The following RBFOX1 variants were observed in gnomAD, a reference collection of about 807,000 sequenced individuals.
The protein encoded by RBFOX1 is RNA binding fox-1 homolog 1, also known as RNA binding protein fox-1 homolog 1.
In RBFOX1, 8 loss-of-function variants were observed where a neutral mutation model predicts 57.7. That is an observed-to-expected ratio of 0.14 (90% CI 0.08 to 0.25). The LOEUF is 0.25. Among genes scored for constraint, RBFOX1 ranks in the 10% least tolerant of loss-of-function variants. RBFOX1 has a pLI of 1.00. For synonymous variants in RBFOX1, 326 were observed against 222.4 expected, an observed-to-expected ratio of 1.47 and a Z score of -4.15; for missense variants, 611 against 548.5, an observed-to-expected ratio of 1.11 and a Z score of -1.14.
chr16:5,848,240 C>A (rs567176558), intron 3 of RBFOX1, among the ~76,000 whole-genome samples: 1 of 152,126 alleles, frequency 6.6e-6, no homozygotes, highest in Admixed American at 6.5e-5. Context: ...CCCACCACCA[C>A]TGGACCATTT....
chr16:7,170,033 C>G (rs2080371158), intron 4 of RBFOX1, among the ~76,000 whole-genome samples: 1 of 152,058 alleles, frequency 6.6e-6, no homozygotes, highest in Admixed American at 6.5e-5. Flanking sequence ...AAGATTGTGC[C>G]AATGCACTCT....
chr16:6,806,837 T>TATATATATATATATATA lies in RBFOX1; in HGVS notation c.-16+152187_-16+152188insATATATATATATATATA, dbSNP rs1491107829. Among the ~76,000 whole-genome samples, 620 of 68,052 alleles carry TATATATATATATATATA rather than the reference T, an allele frequency of 9.1e-3. 1 individual carries two copies. Among genetic ancestry groups the TATATATATATATATATA allele is most frequent in the Non-Finnish European group, 0.014 (490 of 34,094 alleles). 44.6% of individuals were successfully genotyped at this position (68,052 alleles called of 152,430 possible). A position where few individuals can be genotyped will look rare whatever the true frequency, so the allele number is the denominator to read the frequency against. ...ATATAAATATATATATATATATATA[T>TATATATATATATATATA]TTTTTTTTTTTTTTGAGAGAAAGTC... On this transcript the variant is annotated intron_variant, in intron 3 of 15. Coordinates refer to ENST00000550418, the MANE Select transcript of RBFOX1 (RefSeq NM_018723.4).
chr16:5,891,279 C>T (rs533707184), intron 4 of RBFOX1, among the ~76,000 whole-genome samples: 32 of 152,268 alleles, frequency 2.1e-4, no homozygotes, highest in Admixed American at 1.1e-3. Flanking sequence ...GAGGAGCTGT[C>T]GGATGGCTGG....
At chr16:6,856,346 C>G (rs1015209405) in intron 3 of RBFOX1, among the ~76,000 whole-genome samples, 4 of 152,124 alleles carry the variant, frequency 2.6e-5, no homozygotes, top group East Asian at 1.9e-4. Context: ...CGTCTGAATT[C>G]TGAGTAACTA....
chr16:7,342,632 G>A (rs1248413024), intron 4 of RBFOX1, among the ~76,000 whole-genome samples: 1 of 152,180 alleles, frequency 6.6e-6, no homozygotes, highest in African/African-American at 2.4e-5. Context: ...TTCCTGGTGA[G>A]CAAGGACACA....
At chr16:6,315,513 G>A (rs563655201) in intron 1 of RBFOX1, among the ~76,000 whole-genome samples, 11 of 149,604 alleles carry the variant, frequency 7.4e-5, no homozygotes, top group African/African-American at 2.7e-4. Context: ...GGATGGATGG[G>A]TGGATGGGTG....
intron 4 of RBFOX1, among the ~76,000 whole-genome samples, chr16:7,457,493 C>T (rs549335667): frequency 2.0e-5 from 3 of 152,306 alleles, no homozygotes; most frequent in East Asian, 1.9e-4. Context: ...TTGCATTCTT[C>T]TATCTTCTTT....
At chr16:6,727,892 C>T (rs148352845) in intron 3 of RBFOX1, among the ~76,000 whole-genome samples, 13 of 152,246 alleles carry the variant, frequency 8.5e-5, no homozygotes, top group South Asian at 2.1e-4. Context: ...TACCTGATTC[C>T]ATTTTGAAAT....
chr16:6,591,687 T>C (rs180976337), intron 2 of RBFOX1, among the ~76,000 whole-genome samples: 4 of 152,330 alleles, frequency 2.6e-5, no homozygotes, highest in Admixed American at 2.6e-4. Flanking sequence ...TATCTTCTGC[T>C]TTTTCTACAG....
Position 6,897,188 on chromosome 16 carries a change from G to C in RBFOX1, c.-15-154869G>C, listed in dbSNP as rs1032177146. 2.0e-5 allele frequency among the ~76,000 whole-genome samples: 3 copies of C among 152,172 alleles called. No homozygotes were observed. The East Asian group carries it at 5.8e-4, about 29-fold the overall frequency. On this transcript the variant is annotated intron_variant, in intron 3 of 15. Coordinates refer to ENST00000550418, the MANE Select transcript of RBFOX1 (RefSeq NM_018723.4). ...GCTGTAGAGTAGAGATTTAAACACA[G>C]GTTGTTTTCCAGAACCCTACTTCAT...
At position 5,822,537 on chromosome 16, in the gene RBFOX1, T is replaced by C. The variant is rs370953170; in HGVS notation, c.319-44766T>C. ...AGTTCTGGAGATCTACTCTATAGCA[T>C]AGATCCTATAGCTACAAATAGTATA... On this transcript the variant is annotated intron_variant, in intron 3 of 19. Transcript: ENST00000641259. 3.3e-5 allele frequency among the ~76,000 whole-genome samples: 5 copies of C among 152,256 alleles called. No homozygotes were observed. In the East Asian group the frequency reaches 7.7e-4, roughly 23 times the overall value.
chr16:7,705,634 CTATT>C (rs2082189618), intron 14 of RBFOX1, among the ~76,000 whole-genome samples: 1 of 152,154 alleles, frequency 6.6e-6, no homozygotes, highest in Non-Finnish European at 1.5e-5. Context: ...CAATGGAAAA[CTATT>C]GAAGGGTTTT....
In RBFOX1 at chr16:5,420,931, CCCTCCCCT is replaced by C. The variant is rs1461527343; in HGVS notation, c.220-46284_220-46277del. Among the ~76,000 whole-genome samples the C allele has an allele frequency of 4.5e-3, 597 of 132,206 alleles. 10 individuals carry two copies. The highest frequency in any genetic ancestry group is 0.016 in the African/African-American group (569 of 34,850). The allele number at this position is 132,206 out of a possible 152,430, so 86.7% of individuals were successfully genotyped here. ...TGCCTCCCTCCACCCCTCCTCCTCC[CCCTCCCCT>C]TCCTCCTGCTTTTCCTCCTCCTCCT... On this transcript the variant is annotated intron_variant, in intron 1 of 2. Coordinates refer to the RBFOX1 transcript ENST00000585867.
At chr16:7,670,678 A>G (rs1251353676) in intron 13 of RBFOX1, among the ~76,000 whole-genome samples, 2 of 152,206 alleles carry the variant, frequency 1.3e-5, no homozygotes, top group Non-Finnish European at 2.9e-5. Flanking sequence ...ATAAGGAAGC[A>G]AATTTAAACT....
Position 6,090,918 on chromosome 16 carries a change from A to G in RBFOX1, c.-127+70926A>G, listed in dbSNP as rs144909252. Among the ~76,000 whole-genome samples, 418 of 152,348 alleles carry G rather than the reference A, an allele frequency of 2.7e-3. 3 individuals are homozygous for G. The highest frequency in any genetic ancestry group is 3.7e-3 in the Admixed American group (56 of 15,306). ...CCAAGAATAAAAGCAAAACTTAAAA[A>G]AAGTATTGATTCATATGGTTTGTTC... On this transcript the variant is annotated intron_variant, in intron 1 of 15. Coordinates refer to ENST00000550418, the MANE Select transcript of RBFOX1 (RefSeq NM_018723.4).
chr16:6,997,839 G>T (rs1245520156), intron 3 of RBFOX1, among the ~76,000 whole-genome samples: 1 of 152,114 alleles, frequency 6.6e-6, no homozygotes, highest in Non-Finnish European at 1.5e-5. Context: ...TTGTCTTCTA[G>T]TAATAGCAGG....
intron 3 of RBFOX1, among the ~76,000 whole-genome samples, chr16:5,697,951 G>A (rs1214311135): frequency 1.3e-5 from 2 of 152,056 alleles, no homozygotes; most frequent in African/African-American, 4.8e-5. Context: ...ATAATGAGTA[G>A]GTATTAAGTT....
chr16:6,986,184 T>TTTTATTTC (rs2090219681), intron 3 of RBFOX1, among the ~76,000 whole-genome samples: 1 of 144,142 alleles, frequency 6.9e-6, no homozygotes, highest in Admixed American at 6.9e-5. Flanking sequence ...CAATTTCTAT[T>TTTTATTTC]TTTATTTATT....
At chr16:5,366,004 T>C (rs2065703970) in intron 1 of RBFOX1, 3 of 498,216 alleles carry the variant, frequency 6.0e-6, no homozygotes, top group Non-Finnish European at 1.2e-5. Context: ...TAGAAGGCAG[T>C]CCAATTAAAG....
Sources: allele counts gnomAD v4.1 joint callset (sites outside exome capture counted in the v4.1 genomes callset), GRCh38; gene constraint gnomAD v4.1.1; transcripts MANE v1.5; gene names NCBI Gene and HGNC (gene_info 2026-07-23, HGNC 2026-07-21).